The following LRRC34 variants were observed in gnomAD, a reference collection of about 807,000 sequenced individuals.
LRRC34 encodes the protein leucine rich repeat containing 34, also known as leucine-rich repeat-containing protein 34.
In LRRC34, 44 loss-of-function variants were observed where a neutral mutation model predicts 48.5. The ratio of observed to expected loss-of-function variants is 0.91; its 90% confidence interval spans 0.71 to 1.17. LRRC34 has a LOEUF of 1.17. LRRC34 is among the 50% of genes most tolerant of loss of function. The probability of loss-of-function intolerance (pLI) is 0.00; values close to 1 mark genes in which losing one functional copy is unlikely to be tolerated. For missense variants in LRRC34, 502 were observed against 563.0 expected, an observed-to-expected ratio of 0.89 and a Z score of 1.10; for synonymous variants, 192 against 197.6, an observed-to-expected ratio of 0.97 and a Z score of 0.24.
Position 169,793,713 on chromosome 3 carries a change from C to A in LRRC34, c.1317G>T (p.Trp439Cys). ...VSNGLKKHYYWTSTYGESYDH... is the reference protein window; with the variant it reads ...VSNGLKKHYYCTSTYGESYDH... ...CATAAGATTCTCCATAAGTTGATGT[C>A]CAATAATAATGCTTTTTAAGGCCAT... The change falls in exon 11 of 11, where the codon TGG becomes TGT. Residue 439 changes from tryptophan (W) to cysteine (C), a missense_variant. By Grantham distance (215) the Trp-to-Cys change is radical. Transcript: ENST00000446859. 1 of 1,613,734 alleles carries A rather than the reference C, an allele frequency of 6.2e-7. No homozygotes were observed. Among genetic ancestry groups the A allele is most frequent in the Non-Finnish European group, 8.5e-7 (1 of 1,179,820 alleles).
At chr3:169,796,646 G>T in intron 8 of LRRC34, 99 bp downstream of exon 8, 1 of 1,262,712 alleles carries the variant, frequency 7.9e-7, no homozygotes, top group Non-Finnish European at 1.1e-6. Context: ...CTAATCATTG[G>T]AAATAATGTC....
chr3:169,799,832 C>T (rs1205421336), intron 7 of LRRC34, among the ~76,000 whole-genome samples: 1 of 152,114 alleles, frequency 6.6e-6, no homozygotes, highest in Non-Finnish European at 1.5e-5. Flanking sequence ...CCTGCCTCAG[C>T]CTCCCAAGTA....
At chr3:169,797,000 A>T in intron 7 of LRRC34, 101 bp from the exon 8 acceptor site, 1 of 938,644 alleles carries the variant, frequency 1.1e-6, no homozygotes, top group Non-Finnish European at 1.5e-6. Flanking sequence ...TAAAAAGATT[A>T]TATTGGTTAA....
rs533998205 is a variant in LRRC34, at chr3:169,798,231, G to A, written c.754-1332C>T. 1.2e-4 allele frequency among the ~76,000 whole-genome samples: 19 copies of A among 152,298 alleles called. No individual in the cohort carries two copies. The South Asian group carries it at 3.1e-3, about 25-fold the overall frequency. ...CTTGATTGCAGTTTTAGGCTACAAC[G>A]CTTGAAAGCAGGAGTATCCTAATTA... On this transcript the variant is annotated intron_variant, in intron 7 of 10. Transcript: ENST00000446859.
chr3:169,793,430 T>C lies in LRRC34; in HGVS notation c.*205A>G. ...TCTTTCTCCAGGGTTAGAATTTTAG[T>C]CTCTATATTGTAAAATTTCTTTTAA... On this transcript the variant is annotated 3_prime_UTR_variant, in exon 11 of 11. Transcript: ENST00000446859. 2 of 444,410 alleles carry C rather than the reference T, an allele frequency of 4.5e-6. No homozygotes were observed. Among genetic ancestry groups the C allele is most frequent in the Non-Finnish European group, 3.9e-6 (1 of 254,470 alleles). The allele number at this position is 444,410 out of a possible 1,614,324, so 27.5% of individuals were successfully genotyped here. A position where few individuals can be genotyped will look rare whatever the true frequency, so the allele number is the denominator to read the frequency against.
Position 169,795,602 on chromosome 3 carries a change from T to C in LRRC34, c.1074A>G (p.Val358=). Residue 358 remains valine (V), a synonymous_variant, in exon 10 of 11, where the codon GTA becomes GTG. Transcript: ENST00000446859. ...CTTCTCCCTCTATGTTGTTGCTGAC[T>C]ACTGACAACCTGAAACCAATAATTC... ...SHNRSLKALS[V]VSNNIEGEGL... 1 of 1,610,610 alleles carries C rather than the reference T, an allele frequency of 6.2e-7. No individual in the cohort carries two copies. The highest frequency in any genetic ancestry group is 1.7e-4 in the Middle Eastern group (1 of 6,034).
In LRRC34 at chr3:169,812,432, G is replaced by T; in HGVS notation, c.117C>A (p.Gly39=). 1 of 1,529,514 alleles carries T rather than the reference G, an allele frequency of 6.5e-7. No homozygotes were observed. 94.7% of individuals were successfully genotyped at this position (1,529,514 alleles called of 1,614,324 possible). ...TACCGCGCTGGACCGCCAGGGCCGC[G>T]CCCGGAGTACTGGCCTGAGTGGAGG... ...AWASTQASTP[G]AALAVQRESP... The change falls in exon 1 of 11, where the codon GGC becomes GGA. Residue 39 remains glycine (G), a synonymous_variant. Transcript: ENST00000446859. The surrounding 1 kb of genome is among the most constrained non-coding windows in gnomAD (Gnocchi z 4.3).
intron 2 of LRRC34, among the ~76,000 whole-genome samples, chr3:169,808,373 C>T (rs945615384): frequency 1.3e-5 from 2 of 151,506 alleles, no homozygotes; most frequent in African/African-American, 2.4e-5. Context: ...AAAGATTCAC[C>T]CCACCCACAG....
intron 7 of LRRC34, among the ~76,000 whole-genome samples, chr3:169,800,071 ATAGT>A (rs1342537049): frequency 6.6e-5 from 10 of 152,282 alleles, no homozygotes; most frequent in African/African-American, 1.4e-4. Context: ...ACTTTTCCTA[ATAGT>A]TAGATATATG....
chr3:169,812,425 G>C lies in LRRC34; in HGVS notation c.124C>G (p.Leu42Val). Residue 42 changes from leucine (L) to valine (V), a missense_variant, in exon 1 of 11, where the codon CTG becomes GTG. Leu to Val is a conservative substitution (Grantham distance 32, BLOSUM62 1). Transcript: ENST00000446859. The surrounding 1 kb of genome is among the most constrained non-coding windows in gnomAD (Gnocchi z 4.3). ...STQASTPGAA[L>V]AVQRESPESG... ...TACTTCTTACCGCGCTGGACCGCCA[G>C]GGCCGCGCCCGGAGTACTGGCCTGA... is the stretch of plus-strand genomic sequence containing the variant. 6.5e-7 allele frequency: 1 copy of C among 1,529,192 alleles called. No homozygotes were observed. The highest frequency in any genetic ancestry group is 8.7e-7 in the Non-Finnish European group (1 of 1,144,734). 94.7% of individuals were successfully genotyped at this position (1,529,192 alleles called of 1,614,324 possible).
chr3:169,811,178 T>A (rs1328215258), intron 1 of LRRC34, among the ~76,000 whole-genome samples: 2 of 152,228 alleles, frequency 1.3e-5, no homozygotes, highest in East Asian at 3.8e-4. Context: ...AAGTTGGAGC[T>A]GGGCTCCCAC....
intron 6 of LRRC34, 135 bp downstream of exon 6, chr3:169,803,918 A>C (rs974484037): frequency 4.2e-6 from 3 of 709,186 alleles, no homozygotes; most frequent in Non-Finnish European, 6.5e-6. Context: ...AATCTGCACT[A>C]TTATGTCTAG....
intron 5 of LRRC34, among the ~76,000 whole-genome samples, chr3:169,804,599 G>C (rs9827710): frequency 0.33 from 50,186 of 151,926 alleles, 8,901 homozygotes; most frequent in East Asian, 0.68. Context: ...CCAGCCAGAA[G>C]AGGATATATA....
chr3:169,799,891 TTA>T (rs1172241155), intron 7 of LRRC34, among the ~76,000 whole-genome samples: 1 of 152,092 alleles, frequency 6.6e-6, no homozygotes, highest in Non-Finnish European at 1.5e-5. Context: ...TTTTGTACTT[TTA>T]GTAGAGACTG....
rs1455452067 is a variant in LRRC34, at chr3:169,812,228, TCTC to T, written c.139+179_139+181del. On this transcript the variant is annotated intron_variant, in intron 1 of 10. Coordinates refer to ENST00000446859, the MANE Select transcript of LRRC34 (RefSeq NM_001172779.2). This position sits in a 1 kb window ranked among gnomAD's most constrained non-coding sequence, Gnocchi z 4.3. ...GTCGCAAAGGGCGACCGGGGACTCT[TCTC>T]CTGCCCTCGTTTCTGGGCGCCCCAA... Among the ~76,000 whole-genome samples, 223 of 151,788 alleles carry T rather than the reference TCTC, an allele frequency of 1.5e-3. 5 individuals carry two copies. The highest frequency in any genetic ancestry group is 0.014 in the Admixed American group (220 of 15,266).
chr3:169,796,024 A>T (rs1323303633), intron 9 of LRRC34, 190 bp downstream of exon 9: 9 of 1,268,914 alleles, frequency 7.1e-6, no homozygotes, highest in Non-Finnish European at 9.0e-6. Context: ...TCGTTAATAG[A>T]ATCAGTCTAA....
chr3:169,810,486 C>T (rs1385450507), intron 1 of LRRC34, among the ~76,000 whole-genome samples: 1 of 151,716 alleles, frequency 6.6e-6, no homozygotes, highest in Non-Finnish European at 1.5e-5. Context: ...AGCATAATTT[C>T]TGTCATGTGG....
Position 169,812,372 on chromosome 3 carries a change from C to T in LRRC34, c.139+38G>A. Reference sequence around the variant, plus strand: ...CCCCGGCGCCCCTCGCGCGTTTTGTCTGGGCCAGGCCGCGCAGACGTGCTC... The same window carrying T: ...CCCCGGCGCCCCTCGCGCGTTTTGTTTGGGCCAGGCCGCGCAGACGTGCTC... On this transcript the variant is annotated intron_variant, in intron 1 of 10. Coordinates refer to ENST00000446859, the MANE Select transcript of LRRC34 (RefSeq NM_001172779.2). The surrounding 1 kb of genome is among the most constrained non-coding windows in gnomAD (Gnocchi z 4.3). The T allele has an allele frequency of 1.3e-6, 2 of 1,510,250 alleles. No homozygotes were observed. Among genetic ancestry groups the T allele is most frequent in the African/African-American group, 1.4e-5 (1 of 69,912 alleles). 93.6% of individuals were successfully genotyped at this position (1,510,250 alleles called of 1,614,324 possible).
intron 1 of LRRC34, among the ~76,000 whole-genome samples, chr3:169,811,058 G>A (rs180782926): frequency 1.3e-5 from 2 of 152,264 alleles, no homozygotes; most frequent in East Asian, 3.9e-4. Flanking sequence ...GGCGACAGAG[G>A]AGACTCCATC....
Sources: gnomAD v4.1 joint callset for allele counts (sites outside exome capture counted in the v4.1 genomes callset) on GRCh38, gnomAD v4.1.1 for gene constraint, Gnocchi (gnomAD v3.1) non-coding constraint, MANE v1.5 for transcripts, NCBI Gene and HGNC (gene_info 2026-07-23, HGNC 2026-07-21) for gene names.